XAGE2: variants seen among roughly 807,000 people sequenced by gnomAD.
The protein encoded by XAGE2 is G antigen family D member 3.
A neutral mutation model predicts 9.9 loss-of-function variants in XAGE2; 7 were observed. The ratio of observed to expected loss-of-function variants is 0.71; its 90% CI spans 0.40 to 1.32. XAGE2 has a LOEUF of 1.32. XAGE2 is among the 40% of genes most tolerant of loss of function. The probability of loss-of-function intolerance (pLI) is 0.01; values close to 1 mark genes in which losing one functional copy is unlikely to be tolerated. For synonymous variants in XAGE2, 31 were observed against 26.8 expected, an observed-to-expected ratio of 1.16 and a Z score of -0.48; for missense variants, 85 against 81.0, an observed-to-expected ratio of 1.05 and a Z score of -0.19.
chrX:52,372,417 C>T (rs984556740), intron 3 of XAGE2, 127 bp from the exon 4 acceptor site: 23,358 of 863,851 alleles, frequency 0.027, 273 homozygotes, highest in Middle Eastern at 0.074. Flanking sequence ...GACAGCTTTG[C>T]ATCACATTTA....
At chrX:52,370,208 C>A in intron 2 of XAGE2, 113 bp downstream of exon 2, 1 of 792,740 alleles carries the variant, frequency 1.3e-6, no homozygotes, top group South Asian at 2.3e-5. Context: ...TAAAAATGAT[C>A]ATGCATCTCA....
intron 3 of XAGE2, among the ~76,000 whole-genome samples, chrX:52,372,232 T>C: frequency 9.1e-6 from 1 of 110,383 alleles, no homozygotes; most frequent in South Asian, 4.0e-4. Context: ...TGGTGGCATG[T>C]GCCTATAGTC....
chrX:52,375,560 C>CTAT lies in XAGE2; in HGVS notation c.314-6_314-4dup, dbSNP rs1455173923. 2 of 1,201,723 alleles carry CTAT rather than the reference C, an allele frequency of 1.7e-6. No individual in the cohort carries two copies. Among genetic ancestry groups the CTAT allele is most frequent in the African/African-American group, 3.5e-5 (2 of 56,790 alleles). On this transcript the variant is annotated splice_polypyrimidine_tract_variant and intron_variant, in intron 4 of 4. Transcript: ENST00000286049. ...TAGTAATGTTCCACCTGTTATGTTT[C>CTAT]TATTACAGGTGAAGGGAAATCACAG...
At chrX:52,370,215 C>A in intron 2 of XAGE2, 120 bp downstream of exon 2, 1 of 776,432 alleles carries the variant, frequency 1.3e-6, no homozygotes, top group Middle Eastern at 3.0e-4. Flanking sequence ...GATCATGCAT[C>A]TCATGAAGGA....
chrX:52,372,459 T>C, intron 3 of XAGE2, 85 bp from the exon 4 acceptor site: 1 of 1,135,450 alleles, frequency 8.8e-7, no homozygotes, highest in Non-Finnish European at 1.2e-6. Flanking sequence ...TTTTATGTCA[T>C]AACTCTGTGG....
chrX:52,370,773 G>C, intron 3 of XAGE2, 101 bp downstream of exon 3: 1 of 828,718 alleles, frequency 1.2e-6, no homozygotes, highest in Non-Finnish European at 1.7e-6. Flanking sequence ...GAAAACATTA[G>C]GAAAGGATCT....
chrX:52,371,025 T>G, intron 3 of XAGE2, among the ~76,000 whole-genome samples: 1 of 111,874 alleles, frequency 8.9e-6, no homozygotes, highest in East Asian at 2.8e-4. Flanking sequence ...GTGTCCACAG[T>G]GTTATAAGCA....
intron 4 of XAGE2, among the ~76,000 whole-genome samples, chrX:52,373,477 A>T (rs1428296831): frequency 9.0e-6 from 1 of 111,631 alleles, no homozygotes; most frequent in African/African-American, 3.3e-5. Flanking sequence ...GGGAGAATGC[A>T]TGTAGGTCAG....
At chrX:52,373,619 T>C (rs1425741049) in intron 4 of XAGE2, among the ~76,000 whole-genome samples, 1 of 111,944 alleles carries the variant, frequency 8.9e-6, no homozygotes, top group East Asian at 2.8e-4. Context: ...AGGTTACATA[T>C]TACAGGTTTC....
At chrX:52,370,730 A>G (rs1921169630) in intron 3 of XAGE2, 58 bp downstream of exon 3, 2 of 1,040,621 alleles carry the variant, frequency 1.9e-6, no homozygotes, top group Non-Finnish European at 2.7e-6. Context: ...TGTGTCCATC[A>G]TGCCTTATGC....
At chrX:52,371,106 G>A (rs1448864906) in intron 3 of XAGE2, among the ~76,000 whole-genome samples, 1 of 111,277 alleles carries the variant, frequency 9.0e-6, no homozygotes, top group East Asian at 2.8e-4. Flanking sequence ...ATTTGCATAG[G>A]GATATTAGCC....
intron 2 of XAGE2, 63 bp from the exon 3 acceptor site, chrX:52,370,504 T>C (rs1602057605): frequency 2.2e-6 from 2 of 907,745 alleles, no homozygotes; most frequent in East Asian, 3.1e-5. Context: ...ATATTTGTAT[T>C]ATTGACATGT....
chrX:52,374,839 TA>T (rs1351429967), intron 4 of XAGE2, among the ~76,000 whole-genome samples: 1 of 111,731 alleles, frequency 9.0e-6, no homozygotes, highest in Non-Finnish European at 1.9e-5. Flanking sequence ...ATGATAATGA[TA>T]GATTAAAAGT....
Position 52,370,060 on chromosome X carries a change from A to T in XAGE2, c.46A>T (p.Ser16Cys). 1 of 1,212,335 alleles carries T rather than the reference A, an allele frequency of 8.2e-7. No homozygotes were observed. Among genetic ancestry groups the T allele is most frequent in the East Asian group, 3.0e-5 (1 of 33,861 alleles). The change falls in exon 2 of 5, where the codon AGT becomes TGT. Residue 16 changes from serine (S) to cysteine (C), a missense_variant. By Grantham distance (112) the Ser-to-Cys change is moderately radical (BLOSUM62 -1). Coordinates refer to ENST00000286049, the MANE Select transcript of XAGE2 (RefSeq NM_130777.3). The stretch of plus-strand genomic sequence containing the variant: ...AACATATAGGCCTAGGCCAAGAAGA[A>T]GTTTACAGCCTCCTGAGCTGATTGG... ...RSTYRPRPRR[S>C]LQPPELIGAM...
rs1361344958 is a variant in XAGE2, at chrX:52,369,101, G to A, written c.-122G>A. On this transcript the variant is annotated 5_prime_UTR_variant, in exon 1 of 5. It removes the in-frame stop codon of an upstream open reading frame in the 5' UTR. Transcript: ENST00000286049. ...CCTTCGACCCCTTTGCCCACGTGGT[G>A]ACCGCTGGGGAGCTGTGAGAGTGTG... 9.0e-6 allele frequency: 1 copy of A among 111,478 alleles called. No individual in the cohort carries two copies. The highest frequency in any genetic ancestry group is 1.9e-5 in the Non-Finnish European group (1 of 53,262). 9.2% of individuals were successfully genotyped at this position (111,478 alleles called of 1,213,427 possible).
chrX:52,369,711 G>A (rs908204027), intron 1 of XAGE2, among the ~76,000 whole-genome samples: 30 of 112,194 alleles, frequency 2.7e-4, no homozygotes, highest in Non-Finnish European at 7.5e-5. Flanking sequence ...TTCTCTAGCT[G>A]TATAAACTTA....
intron 1 of XAGE2, 143 bp from the exon 2 acceptor site, chrX:52,369,864 C>A (rs1018028170): frequency 3.2e-6 from 2 of 617,581 alleles, no homozygotes; most frequent in Admixed American, 5.0e-5. Flanking sequence ...AGAAGATGTA[C>A]ACACTTCTAG....
In XAGE2 at chrX:52,370,060, A is replaced by G; in HGVS notation, c.46A>G (p.Ser16Gly). The G allele has an allele frequency of 5.8e-6, 7 of 1,212,335 alleles. No individual in the cohort carries two copies. The highest frequency in any genetic ancestry group is 7.8e-6 in the Non-Finnish European group (7 of 895,554). The change falls in exon 2 of 5, where the codon AGT (serine) becomes GGT (glycine). Residue 16 changes from serine (S) to glycine (G), a missense_variant. By Grantham distance (56) the Ser-to-Gly change is moderately conservative. Transcript: ENST00000286049. ...AACATATAGGCCTAGGCCAAGAAGA[A>G]GTTTACAGCCTCCTGAGCTGATTGG... is the stretch of plus-strand genomic sequence containing the variant. The part of the protein sequence containing the change: ...RSTYRPRPRR[S>G]LQPPELIGAM...
At chrX:52,371,978 T>C (rs1250698811) in intron 3 of XAGE2, among the ~76,000 whole-genome samples, 1 of 111,867 alleles carries the variant, frequency 8.9e-6, no homozygotes, top group Non-Finnish European at 1.9e-5. Flanking sequence ...ACATAGTTGA[T>C]ACTCACTGTT....
Sources: gnomAD v4.1 joint callset for allele counts (sites outside exome capture counted in the v4.1 genomes callset) on GRCh38, gnomAD v4.1.1 for gene constraint, MANE v1.5 for transcripts, NCBI Gene and HGNC (gene_info 2026-07-23, HGNC 2026-07-21) for gene names.